The following SEMA6D variants were observed in gnomAD, a reference collection of about 807,000 sequenced individuals.
The protein encoded by SEMA6D is semaphorin-6D.
SEMA6D carries 35 observed loss-of-function variants against 106.6 expected under a neutral mutation model. That is an observed-to-expected ratio of 0.33 (90% CI 0.25 to 0.44). The LOEUF (loss-of-function observed/expected upper bound fraction) is 0.44. Among genes scored for constraint, SEMA6D ranks in the 20% least tolerant of loss-of-function variants. The pLI, the probability that SEMA6D is intolerant of heterozygous loss-of-function variation, is 1.00. For synonymous variants in SEMA6D, 499 were observed against 487.7 expected (o/e 1.02, Z -0.31); for missense variants, 1,185 against 1,345.9 (o/e 0.88, Z 1.87).
intron 1 of SEMA6D, among the ~76,000 whole-genome samples, chr15:47,278,466 T>G (rs2034944421): frequency 6.6e-6 from 1 of 152,172 alleles, no homozygotes. Flanking sequence ...GGTTGTTTGT[T>G]TTTTTCTTGT....
intron 4 of SEMA6D, among the ~76,000 whole-genome samples, chr15:47,632,802 G>T (rs972085637): frequency 1.3e-5 from 2 of 151,798 alleles, no homozygotes; most frequent in African/African-American, 2.4e-5. Flanking sequence ...ATGCTTAAGT[G>T]TTTCATTTTA....
intron 4 of SEMA6D, among the ~76,000 whole-genome samples, chr15:47,677,541 G>A (rs1033260909): frequency 6.6e-6 from 1 of 152,198 alleles, no homozygotes; most frequent in African/African-American, 2.4e-5. Flanking sequence ...GAAGCATGTG[G>A]AATGGGAGAC....
At chr15:47,580,594 C>T (rs562033247) in intron 3 of SEMA6D, among the ~76,000 whole-genome samples, 3 of 152,224 alleles carry the variant, frequency 2.0e-5, no homozygotes, top group Admixed American at 2.0e-4. Context: ...TGTATCACTA[C>T]CATGTGCAAA....
At chr15:47,425,825 A>G (rs2041318163) in intron 2 of SEMA6D, among the ~76,000 whole-genome samples, 1 of 151,822 alleles carries the variant, frequency 6.6e-6, no homozygotes, top group African/African-American at 2.4e-5. Context: ...ATTTTCACAG[A>G]ATCTGGGGAC....
At chr15:47,218,980 C>T (rs1200003415) in intron 1 of SEMA6D, among the ~76,000 whole-genome samples, 1 of 152,186 alleles carries the variant, frequency 6.6e-6, no homozygotes, top group Non-Finnish European at 1.5e-5. Context: ...TTTTCTACTC[C>T]AATGACTTCT....
chr15:47,720,845 T>C (rs1341218839), intron 1 of SEMA6D, among the ~76,000 whole-genome samples: 2 of 152,210 alleles, frequency 1.3e-5, no homozygotes, highest in East Asian at 3.8e-4. Flanking sequence ...TAGGGTCATT[T>C]TTCACCCTTT....
chr15:47,437,347 T>A (rs1420617945), intron 2 of SEMA6D, among the ~76,000 whole-genome samples: 1 of 152,118 alleles, frequency 6.6e-6, no homozygotes, highest in East Asian at 1.9e-4. Flanking sequence ...TAAGAAAACC[T>A]GTGATTTTCA....
rs1030914478 is a variant in SEMA6D at position 47,201,516 on chromosome 15, A to G, written c.-239+17098A>G. On this transcript the variant is annotated intron_variant, in intron 1 of 19. Transcript: ENST00000558014. ...GAAGGATAGTTTTAATAATACAGAC[A>G]TTATTCAATATCAGTAGAAGTTTGG... is the stretch of plus-strand genomic sequence containing the variant. 2.6e-5 allele frequency among the ~76,000 whole-genome samples: 4 copies of G among 152,190 alleles called. No individual in the cohort carries two copies. The South Asian group carries it at 6.2e-4, about 24-fold the overall frequency.
chr15:47,232,887 AT>A (rs1566941440), intron 1 of SEMA6D, among the ~76,000 whole-genome samples: 1 of 151,804 alleles, frequency 6.6e-6, no homozygotes, highest in African/African-American at 2.4e-5. Context: ...TGGGTTGTCT[AT>A]TTACTTTCAT....
chr15:47,439,468 A>G (rs1476909481), intron 2 of SEMA6D, among the ~76,000 whole-genome samples: 1 of 152,090 alleles, frequency 6.6e-6, no homozygotes, highest in Admixed American at 6.6e-5. Flanking sequence ...CCAACACTAT[A>G]ATTTTGAATG....
chr15:47,671,136 G>C (rs1345399511), intron 4 of SEMA6D, among the ~76,000 whole-genome samples: 2 of 152,088 alleles, frequency 1.3e-5, no homozygotes, highest in Non-Finnish European at 2.9e-5. Flanking sequence ...ATAAGAACCA[G>C]AAAATGATGC....
intron 3 of SEMA6D, among the ~76,000 whole-genome samples, chr15:47,516,323 A>G (rs1439028694): frequency 1.3e-5 from 2 of 152,166 alleles, no homozygotes; most frequent in Non-Finnish European, 2.9e-5. Flanking sequence ...CTTAAATGCA[A>G]TTACAAAAGA....
intron 2 of SEMA6D, among the ~76,000 whole-genome samples, chr15:47,421,962 T>C (rs1298742713): frequency 6.6e-6 from 1 of 152,092 alleles, no homozygotes; most frequent in African/African-American, 2.4e-5. Context: ...GATATGTAAC[T>C]TCATAGTGTG....
chr15:47,429,764 T>A (rs191602738), intron 2 of SEMA6D, among the ~76,000 whole-genome samples: 10 of 148,304 alleles, frequency 6.7e-5, no homozygotes, highest in African/African-American at 9.8e-5. Context: ...ATATATATAT[T>A]TTTTAAAAAA....
intron 3 of SEMA6D, among the ~76,000 whole-genome samples, chr15:47,512,179 G>A (rs997508267): frequency 7.9e-5 from 12 of 152,162 alleles, no homozygotes; most frequent in African/African-American, 2.4e-4. Flanking sequence ...ATCAAGCAGT[G>A]GTTAGCATCA....
intron 4 of SEMA6D, among the ~76,000 whole-genome samples, chr15:47,634,979 G>A (rs1012410320): frequency 2.6e-5 from 4 of 152,182 alleles, no homozygotes; most frequent in Non-Finnish European, 5.9e-5. Context: ...TTGGCTAGGA[G>A]AACAGACCTT....
At chr15:47,667,754 G>T (rs1042590264) in intron 4 of SEMA6D, among the ~76,000 whole-genome samples, 3 of 152,054 alleles carry the variant, frequency 2.0e-5, no homozygotes, top group African/African-American at 7.2e-5. Context: ...CCTCCCAAAG[G>T]CCCCACCTCC....
chr15:47,549,945 A>G (rs537937336), intron 3 of SEMA6D, among the ~76,000 whole-genome samples: 3 of 152,210 alleles, frequency 2.0e-5, no homozygotes, highest in Non-Finnish European at 2.9e-5. Flanking sequence ...TGGAAGTTGG[A>G]TACCCCACCC....
chr15:47,686,136 A>G (rs570755139), intron 4 of SEMA6D, among the ~76,000 whole-genome samples: 2 of 152,376 alleles, frequency 1.3e-5, no homozygotes, highest in Non-Finnish European at 2.9e-5. Context: ...ACATATATTA[A>G]GAGGACTTCA....
Sources: gnomAD v4.1 joint callset for allele counts (sites outside exome capture counted in the v4.1 genomes callset) on GRCh38, gnomAD v4.1.1 for gene constraint, MANE v1.5 for transcripts, NCBI Gene and HGNC (gene_info 2026-07-23, HGNC 2026-07-21) for gene names.